RIC3: variants seen among roughly 807,000 people sequenced by gnomAD.
RIC3 encodes RIC3 acetylcholine receptor chaperone, also known as protein RIC-3.
A neutral mutation model predicts 27.3 loss-of-function variants in RIC3; 28 were observed. The observed-to-expected ratio is 1.02, with a 90% confidence interval of 0.76 to 1.41. The LOEUF (loss-of-function observed/expected upper bound fraction) is 1.41. Ranked by LOEUF, RIC3 falls within the 40% of genes most tolerant of loss-of-function variation. RIC3 has a pLI of 0.00. For synonymous variants in RIC3, 184 were observed against 160.4 expected (o/e 1.15, Z -1.11); for missense variants, 501 against 444.7 (o/e 1.13, Z -1.14).
intron 5 of RIC3, among the ~76,000 whole-genome samples, chr11:8,115,274 A>T (rs1945717552): frequency 6.6e-6 from 1 of 152,030 alleles, no homozygotes; most frequent in South Asian, 2.1e-4. Context: ...AAAGAGTGGG[A>T]TAATATATTC....
At chr11:8,128,750 C>CTTTTTTTT (rs1177448703) in intron 4 of RIC3, among the ~76,000 whole-genome samples, 18 of 88,502 alleles carry the variant, frequency 2.0e-4, no homozygotes, top group African/African-American at 3.2e-4. Flanking sequence ...GTTGCAAAAA[C>CTTTTTTTT]TTTTTTTTTT....
At chr11:8,167,817 G>A (rs11825474) in intron 1 of RIC3, among the ~76,000 whole-genome samples, 2 of 151,962 alleles carry the variant, frequency 1.3e-5, no homozygotes, top group Non-Finnish European at 2.9e-5. Context: ...TTAGAAGTCC[G>A]TCCCAAGTGG....
At chr11:8,100,116 G>A in the RIC3 span, among the ~76,000 whole-genome samples, 1 of 152,216 alleles carries the variant, frequency 6.6e-6, no homozygotes, top group Non-Finnish European at 1.5e-5. Context: ...GGCAAAGGCT[G>A]TTAGAATGAT....
chr11:8,146,697 G>C lies in RIC3; in HGVS notation c.125-6504C>G, dbSNP rs185195390. ...GACTTCAATCAAATACATTGGTTTG[G>C]TCCAGAAAGGCAGGATAATTTGAAA... On this transcript the variant is annotated intron_variant, in intron 1 of 5. Coordinates refer to ENST00000309737, the MANE Select transcript of RIC3 (RefSeq NM_001206671.4). Among the ~76,000 whole-genome samples the C allele has an allele frequency of 2.5e-3, 376 of 151,702 alleles. 2 individuals carry two copies. Among genetic ancestry groups the C allele is most frequent in the Non-Finnish European group, 4.4e-3 (297 of 67,896 alleles).
At chr11:8,100,919 C>G in the RIC3 span, 2 of 1,614,176 alleles carry the variant, frequency 1.2e-6, no homozygotes, top group Non-Finnish European at 1.7e-6. Flanking sequence ...TGATGACACA[C>G]AGTCCTATGT....
intron 5 of RIC3, among the ~76,000 whole-genome samples, chr11:8,118,721 A>T (rs548330406): frequency 6.6e-6 from 1 of 151,902 alleles, no homozygotes; most frequent in South Asian, 2.1e-4. Context: ...TACAAAAAAA[A>T]TTAGCCAGGA....
At chr11:8,139,929 T>A (rs1411676696) in intron 2 of RIC3, 38 bp downstream of exon 2, 1 of 1,534,574 alleles carries the variant, frequency 6.5e-7, no homozygotes, top group Non-Finnish European at 8.9e-7. Context: ...CATATTAGAT[T>A]TTCATTGATG....
intron 5 of RIC3, among the ~76,000 whole-genome samples, chr11:8,125,465 A>G (rs956084297): frequency 1.3e-5 from 2 of 152,216 alleles, no homozygotes; most frequent in Non-Finnish European, 2.9e-5. Context: ...ACCCAATTTA[A>G]AAATTGGCAA....
At chr11:8,112,690 T>G (rs1945411450) in intron 5 of RIC3, among the ~76,000 whole-genome samples, 3 of 152,256 alleles carry the variant, frequency 2.0e-5, no homozygotes, top group Non-Finnish European at 4.4e-5. Context: ...CATTATATCA[T>G]GAGCATCTCT....
At chr11:8,096,440 C>T in the RIC3 span, among the ~76,000 whole-genome samples, 1 of 152,106 alleles carries the variant, frequency 6.6e-6, no homozygotes, top group Non-Finnish European at 1.5e-5. Flanking sequence ...GGGGATATAT[C>T]CTGAGGATTG....
At chr11:8,124,093 G>C (rs1590135305) in intron 5 of RIC3, among the ~76,000 whole-genome samples, 1 of 146,164 alleles carries the variant, frequency 6.8e-6, no homozygotes, top group Middle Eastern at 3.5e-3. Flanking sequence ...GAAAGAAAAA[G>C]AAAAAGAAAA....
At chr11:8,154,751 G>GTT (rs11432659) in intron 1 of RIC3, among the ~76,000 whole-genome samples, 6 of 151,818 alleles carry the variant, frequency 4.0e-5, no homozygotes, top group African/African-American at 1.5e-4. Context: ...TAAGATTTGT[G>GTT]TTTTTTTAAG....
chr11:8,145,973 T>C (rs755782566), intron 1 of RIC3, among the ~76,000 whole-genome samples: 15 of 152,248 alleles, frequency 9.9e-5, no homozygotes, highest in Non-Finnish European at 1.6e-4. Context: ...GATCTGGCTG[T>C]ACTTCGTGAT....
chr11:8,118,444 T>A (rs1336424077), intron 5 of RIC3, among the ~76,000 whole-genome samples: 3 of 145,116 alleles, frequency 2.1e-5, no homozygotes, highest in South Asian at 2.1e-4. Context: ...AGATACTGCA[T>A]TGATAAAACC....
intron 1 of RIC3, among the ~76,000 whole-genome samples, chr11:8,146,696 G>A (rs1384542558): frequency 6.6e-6 from 1 of 152,076 alleles, no homozygotes; most frequent in African/African-American, 2.4e-5. Context: ...ACATTGGTTT[G>A]GTCCAGAAAG....
intron 5 of RIC3, among the ~76,000 whole-genome samples, chr11:8,124,806 G>A (rs988149530): frequency 6.6e-6 from 1 of 151,974 alleles, no homozygotes; most frequent in African/African-American, 2.4e-5. Context: ...ATTTGATATG[G>A]AAAAAAATAA....
At chr11:8,105,499 T>C (rs1944524354), downstream of RIC3, 1 of 152,126 alleles carries the variant, frequency 6.6e-6, no homozygotes, top group African/African-American at 2.4e-5. Flanking sequence ...GGTTTGGTTT[T>C]TAAATTTTCC....
intron 4 of RIC3, among the ~76,000 whole-genome samples, chr11:8,133,458 T>C (rs1251236943): frequency 6.6e-6 from 1 of 152,174 alleles, no homozygotes; most frequent in Non-Finnish European, 1.5e-5. Flanking sequence ...AAATCACATC[T>C]GAGAACTAAA....
At chr11:8,112,002 T>A (rs756453815) in intron 5 of RIC3, among the ~76,000 whole-genome samples, 14 of 152,262 alleles carry the variant, frequency 9.2e-5, no homozygotes, top group Non-Finnish European at 1.9e-4. Context: ...TTGCCCATTA[T>A]GATAATTGGC....
Sources: allele counts gnomAD v4.1 joint callset (sites outside exome capture counted in the v4.1 genomes callset), GRCh38; gene constraint gnomAD v4.1.1; transcripts MANE v1.5; gene names NCBI Gene and HGNC (gene_info 2026-07-23, HGNC 2026-07-21).